MED23: variants seen among roughly 807,000 people sequenced by gnomAD.
The protein encoded by MED23 is mediator complex subunit 23.
A neutral mutation model predicts 163.9 loss-of-function variants in MED23; 105 were observed. That is an observed-to-expected ratio of 0.64 (90% CI 0.55 to 0.75). The LOEUF is 0.75. MED23 is among the 30% of genes least tolerant of loss of function. The pLI is 0.00. For synonymous variants in MED23, 561 were observed against 565.6 expected, an observed-to-expected ratio of 0.99 and a Z score of 0.12; for missense variants, 1,054 against 1,649.0, an observed-to-expected ratio of 0.64 and a Z score of 6.25.
intron 3 of MED23, 105 bp downstream of exon 3, chr6:131,627,290 AG>A: frequency 2.4e-6 from 2 of 825,712 alleles, no homozygotes; most frequent in Non-Finnish European, 4.0e-6. Flanking sequence ...CTCCCTTCTC[AG>A]GAAGATCTTA....
At chr6:131,581,157 T>C (rs1015611817) in intron 30 of MED23, 121 of 1,535,452 alleles carry the variant, frequency 7.9e-5, no homozygotes, top group Non-Finnish European at 1.9e-5. Context: ...ATTGAGTGAA[T>C]AATATGATGT....
chr6:131,584,498 CTG>C (rs1562362793), downstream of MED23, among the ~76,000 whole-genome samples: 1 of 152,032 alleles, frequency 6.6e-6, no homozygotes, highest in Admixed American at 6.6e-5. Flanking sequence ...CCCCAAAACA[CTG>C]TGAGGCCTTG....
chr6:131,591,800 A>C, intron 25 of MED23: 2 of 451,086 alleles, frequency 4.4e-6, no homozygotes, highest in Non-Finnish European at 7.9e-6. Flanking sequence ...TCAAACAATA[A>C]ATCTATAGCT....
chr6:131,587,881 T>G, intron 28 of MED23, 35 bp from the exon 29 acceptor site: 1 of 1,547,960 alleles, frequency 6.5e-7, no homozygotes, highest in African/African-American at 1.4e-5. Flanking sequence ...CGTACTTTAA[T>G]CAGAGAATTT....
chr6:131,624,259 T>G (rs1179889502), intron 4 of MED23, among the ~76,000 whole-genome samples: 2 of 152,172 alleles, frequency 1.3e-5, no homozygotes, highest in East Asian at 3.9e-4. Flanking sequence ...AAGGATGCAG[T>G]ATGACTTCCA....
At position 131,589,564 on chromosome 6, in the gene MED23, A is replaced by G; in HGVS notation, c.3840T>C (p.Asn1280=). 1.9e-6 allele frequency: 3 copies of G among 1,614,034 alleles called. No homozygotes were observed. The highest frequency in any genetic ancestry group is 2.5e-6 in the Non-Finnish European group (3 of 1,179,918). ...TTAAATGGGTGCTACACTGGTCAACATTCAGCAGCATGTCATAAAACGCCA... is the reference window on the plus strand; with the variant it reads ...TTAAATGGGTGCTACACTGGTCAACGTTCAGCAGCATGTCATAAAACGCCA... ...IGVAFYDMLL[N]VDQCSTHLNY... is the part of the protein sequence containing the mutation. The change falls in exon 28 of 29, where the codon AAT becomes AAC. Residue 1280 remains asparagine, a synonymous_variant. Coordinates refer to ENST00000368068, the MANE Select transcript of MED23 (RefSeq NM_004830.4).
At chr6:131,604,576 T>A (rs1180199771) in intron 14 of MED23, among the ~76,000 whole-genome samples, 1 of 152,134 alleles carries the variant, frequency 6.6e-6, no homozygotes, top group East Asian at 1.9e-4. Context: ...TGGATTCAAC[T>A]CATAAGAGCA....
downstream of MED23, chr6:131,584,040 T>C (rs1406817942): frequency 2.5e-5 from 25 of 995,412 alleles, no homozygotes; most frequent in Admixed American, 7.4e-4. Flanking sequence ...GTATAAACTC[T>C]ACAAATTCCC....
chr6:131,627,136 A>G (rs1777559350), intron 3 of MED23: 2 of 415,744 alleles, frequency 4.8e-6, no homozygotes, highest in Non-Finnish European at 8.5e-6. Context: ...AATGATCTCA[A>G]TTAATCTAAC....
Position 131,586,950 on chromosome 6 carries a change from T to C in MED23, c.*729A>G. 6.7e-7 allele frequency: 1 copy of C among 1,482,294 alleles called. No homozygotes were observed. Among genetic ancestry groups the C allele is most frequent in the South Asian group, 1.4e-5 (1 of 72,416 alleles). The allele number at this position is 1,482,294 out of a possible 1,614,324, so 91.8% of individuals were successfully genotyped here. ...TGAGAGTGTCAACCTGCAAAAGCAA[T>C]TAACTTATTTTTAAAAAAAGAAATT... On this transcript the variant is annotated 3_prime_UTR_variant, in exon 29 of 29. Coordinates refer to ENST00000368068, the MANE Select transcript of MED23 (RefSeq NM_004830.4).
intron 30 of MED23, among the ~76,000 whole-genome samples, chr6:131,580,455 G>A (rs1038169542): frequency 6.6e-6 from 1 of 152,208 alleles, no homozygotes; most frequent in Non-Finnish European, 1.5e-5. Context: ...TCACAAATGG[G>A]AGAATACAGG....
At position 131,618,522 on chromosome 6, in the gene MED23, G is replaced by T; in HGVS notation, c.668-3C>A. 1 of 1,599,926 alleles carries T rather than the reference G, an allele frequency of 6.3e-7. No individual in the cohort carries two copies. The highest frequency in any genetic ancestry group is 8.6e-7 in the Non-Finnish European group (1 of 1,167,278). On this transcript the variant is annotated splice_polypyrimidine_tract_variant and splice_region_variant and intron_variant, in intron 8 of 28. Transcript: ENST00000368068. The stretch of plus-strand genomic sequence containing the variant: ...AACTGGCAGAAGACTACAGCGACCT[G>T]TATGTATTACAAAAATGTTTTTAAG...
chr6:131,594,011 T>TA, intron 23 of MED23, 88 bp downstream of exon 23: 2 of 1,161,212 alleles, frequency 1.7e-6, no homozygotes, highest in Non-Finnish European at 2.5e-6. Context: ...TTGAAATACA[T>TA]AAAAAATTAC....
At chr6:131,590,248 T>A (rs1562368758) in intron 27 of MED23, 74 bp downstream of exon 27, 3 of 1,424,148 alleles carry the variant, frequency 2.1e-6, no homozygotes, top group Admixed American at 3.4e-5. Flanking sequence ...GCAGTTTCAA[T>A]AACACTGGTA....
At chr6:131,602,659 T>A (rs940733999) in intron 16 of MED23, among the ~76,000 whole-genome samples, 1 of 152,144 alleles carries the variant, frequency 6.6e-6, no homozygotes, top group Admixed American at 6.6e-5. Flanking sequence ...AAAATTATAT[T>A]TTTCTATCTA....
At chr6:131,580,367 A>G (rs1326745930) in intron 30 of MED23, among the ~76,000 whole-genome samples, 1 of 152,216 alleles carries the variant, frequency 6.6e-6, no homozygotes, top group African/African-American at 2.4e-5. Context: ...TGAATAATCC[A>G]TACCTGAACG....
At chr6:131,580,275 G>A (rs1483046196) in intron 30 of MED23, among the ~76,000 whole-genome samples, 1 of 152,130 alleles carries the variant, frequency 6.6e-6, no homozygotes, top group African/African-American at 2.4e-5. Context: ...GGAAACTGAG[G>A]CTCGCTTTCT....
chr6:131,598,254 A>C lies in MED23; in HGVS notation c.2607+33T>G. ...TATATTAGTCATACATCTTGATCTA[A>C]GAGAATAAGCTTAGAAATGTATTTA... On this transcript the variant is annotated intron_variant, in intron 20 of 28. Coordinates refer to ENST00000368068, the MANE Select transcript of MED23 (RefSeq NM_004830.4). The surrounding 1 kb of genome is among the most constrained non-coding windows in gnomAD (Gnocchi z 4.7). 1.3e-6 allele frequency: 2 copies of C among 1,585,902 alleles called. No homozygotes were observed. The highest frequency in any genetic ancestry group is 1.7e-6 in the Non-Finnish European group (2 of 1,154,460).
intron 10 of MED23, among the ~76,000 whole-genome samples, chr6:131,612,906 T>A (rs1051431877): frequency 1.3e-5 from 2 of 152,244 alleles, no homozygotes; most frequent in Non-Finnish European, 2.9e-5. Context: ...TCATGTACAG[T>A]TCTCATAATG....
Sources: allele counts gnomAD v4.1 joint callset (sites outside exome capture counted in the v4.1 genomes callset), GRCh38; gene constraint gnomAD v4.1.1; non-coding constraint Gnocchi (gnomAD v3.1); transcripts MANE v1.5; gene names NCBI Gene and HGNC (gene_info 2026-07-23, HGNC 2026-07-21).